The following LINGO2 variants were observed in gnomAD, a reference collection of about 807,000 sequenced individuals.
LINGO2 encodes the protein leucine rich repeat and Ig domain containing 2.
A neutral mutation model predicts 30.6 loss-of-function variants in LINGO2; 14 were observed. That is an observed-to-expected ratio of 0.46 (90% confidence interval 0.30 to 0.72). The LOEUF is 0.72. Among genes scored for constraint, LINGO2 ranks in the 30% least tolerant of loss-of-function variants. LINGO2 has a pLI of 0.07. For synonymous variants in LINGO2, 317 were observed against 288.5 expected, an observed-to-expected ratio of 1.10 and a Z score of -1.00; for missense variants, 729 against 751.7, an observed-to-expected ratio of 0.97 and a Z score of 0.35.
intron 2 of LINGO2, among the ~76,000 whole-genome samples, chr9:28,379,255 G>A (rs35627266): frequency 0.37 from 55,940 of 151,902 alleles, 11,441 homozygotes; most frequent in Non-Finnish European, 0.45. Flanking sequence ...AAAAATTGCT[G>A]AGGTAGCACC....
At chr9:28,224,960 A>G (rs1821098023) in intron 4 of LINGO2, among the ~76,000 whole-genome samples, 1 of 152,136 alleles carries the variant, frequency 6.6e-6, no homozygotes, top group Non-Finnish European at 1.5e-5. Flanking sequence ...CAGAAATAAA[A>G]CCACACATTT....
chr9:28,427,088 A>G (rs1823444908), intron 2 of LINGO2, among the ~76,000 whole-genome samples: 2 of 152,190 alleles, frequency 1.3e-5, no homozygotes, highest in Non-Finnish European at 1.5e-5. Flanking sequence ...TATCAAATAA[A>G]TCATCTGTTT....
At chr9:28,806,181 C>G in the LINGO2 span, among the ~76,000 whole-genome samples, 1 of 152,060 alleles carries the variant, frequency 6.6e-6, no homozygotes, top group African/African-American at 2.4e-5. Flanking sequence ...ACTCAAAATT[C>G]TACTACAGAT....
chr9:28,394,741 T>A (rs10812799), intron 2 of LINGO2, among the ~76,000 whole-genome samples: 1 of 151,972 alleles, frequency 6.6e-6, no homozygotes, highest in African/African-American at 2.4e-5. Flanking sequence ...TACCCAGTAC[T>A]ATACATATAG....
intron 4 of LINGO2, among the ~76,000 whole-genome samples, chr9:28,119,628 T>C (rs1198238407): frequency 3.3e-5 from 5 of 152,228 alleles, no homozygotes; most frequent in Admixed American, 6.5e-5. Context: ...TTGCCTGATA[T>C]CTCATTCTAC....
the LINGO2 span, among the ~76,000 whole-genome samples, chr9:28,976,171 T>G: frequency 6.6e-6 from 1 of 152,142 alleles, no homozygotes; most frequent in Non-Finnish European, 1.5e-5. Flanking sequence ...AACTGAGACA[T>G]TATTAAAGGT....
intron 4 of LINGO2, among the ~76,000 whole-genome samples, chr9:28,249,665 G>T (rs1483341256): frequency 6.6e-6 from 1 of 152,084 alleles, no homozygotes; most frequent in Admixed American, 6.6e-5. Context: ...TTTTATTGGA[G>T]AAAATTTTAT....
At chr9:28,176,484 A>G (rs949231654) in intron 4 of LINGO2, among the ~76,000 whole-genome samples, 2 of 152,152 alleles carry the variant, frequency 1.3e-5, no homozygotes, top group African/African-American at 4.8e-5. Context: ...ATTGGGGGTA[A>G]AATAACCTGT....
chr9:28,652,417 GAC>G (rs1243908913), intron 1 of LINGO2, among the ~76,000 whole-genome samples: 3 of 152,050 alleles, frequency 2.0e-5, no homozygotes, highest in South Asian at 2.1e-4. Context: ...TATTTTTGGT[GAC>G]AGTTTCAACA....
At chr9:28,327,619 TTTGTTTTTC>T in intron 3 of LINGO2, among the ~76,000 whole-genome samples, 1 of 152,344 alleles carries the variant, frequency 6.6e-6, no homozygotes, top group East Asian at 1.9e-4. Context: ...CAGAATTTTG[TTTGTTTTTC>T]AAAAACAGCA....
chr9:28,035,798 A>G (rs1013429668), intron 4 of LINGO2, among the ~76,000 whole-genome samples: 3 of 152,156 alleles, frequency 2.0e-5, no homozygotes, highest in African/African-American at 7.2e-5. Flanking sequence ...AAGGTGCTGT[A>G]TGAATGTGAA....
At chr9:28,137,071 A>G (rs1251343960) in intron 4 of LINGO2, among the ~76,000 whole-genome samples, 1 of 152,020 alleles carries the variant, frequency 6.6e-6, no homozygotes, top group African/African-American at 2.4e-5. Flanking sequence ...GCACTATACC[A>G]CTGGCTGCCC....
chr9:27,957,235 A>T (rs1463845379), intron 5 of LINGO2, among the ~76,000 whole-genome samples: 1 of 152,192 alleles, frequency 6.6e-6, no homozygotes, highest in East Asian at 1.9e-4. Context: ...CAGAATAGAT[A>T]CAGTATGTAC....
intron 1 of LINGO2, among the ~76,000 whole-genome samples, chr9:28,623,976 A>G (rs1826535260): frequency 6.6e-6 from 1 of 151,762 alleles, no homozygotes; most frequent in Non-Finnish European, 1.5e-5. Context: ...TCTTTTTCAC[A>G]TTGTTCATTG....
At chr9:29,112,014 A>C in the LINGO2 span, among the ~76,000 whole-genome samples, 3 of 125,986 alleles carry the variant, frequency 2.4e-5, no homozygotes, top group African/African-American at 8.9e-5. Context: ...TGTATCCCTT[A>C]TACATTGCAT....
At chr9:28,248,960 A>G (rs1316308967) in intron 4 of LINGO2, among the ~76,000 whole-genome samples, 2 of 152,136 alleles carry the variant, frequency 1.3e-5, no homozygotes, top group Admixed American at 1.3e-4. Flanking sequence ...AATCTAAGCC[A>G]TCTATGACAG....
chr9:28,774,656 T>C, the LINGO2 span, among the ~76,000 whole-genome samples: 5 of 152,056 alleles, frequency 3.3e-5, no homozygotes, highest in African/African-American at 1.2e-4. Flanking sequence ...AGATTACAGA[T>C]ACAGTGACTG....
At chr9:28,984,556 A>G in the LINGO2 span, among the ~76,000 whole-genome samples, 1 of 152,068 alleles carries the variant, frequency 6.6e-6, no homozygotes, top group African/African-American at 2.4e-5. Context: ...ATAAATTACT[A>G]TTGTACTGTT....
chr9:28,490,702 T>G (rs2135265356), intron 1 of LINGO2, among the ~76,000 whole-genome samples: 1 of 152,334 alleles, frequency 6.6e-6, no homozygotes, highest in Non-Finnish European at 1.5e-5. Context: ...ATCAACATTT[T>G]AATGGTTTTT....
Sources: allele counts gnomAD v4.1 joint callset (sites outside exome capture counted in the v4.1 genomes callset), GRCh38; gene constraint gnomAD v4.1.1; transcripts MANE v1.5; gene names NCBI Gene and HGNC (gene_info 2026-07-23, HGNC 2026-07-21).